Variants in PUDP observed in about 807,000 individuals in gnomAD.
PUDP encodes pseudouridine-5'-phosphatase.
A neutral mutation model predicts 9.4 loss-of-function variants in PUDP; 8 were observed. That is an observed-to-expected ratio of 0.85 (90% CI 0.50 to 1.53). The LOEUF is 1.53. PUDP is among the 40% of genes most tolerant of loss of function. The pLI is 0.00. For synonymous variants in PUDP, 99 were observed against 80.7 expected, an observed-to-expected ratio of 1.23 and a Z score of -1.22; for missense variants, 188 against 189.7, an observed-to-expected ratio of 0.99 and a Z score of 0.05.
At chrX:6,825,037 C>CTGT (rs923656884) in intron 3 of PUDP, among the ~76,000 whole-genome samples, 4 of 111,203 alleles carry the variant, frequency 3.6e-5, no homozygotes, top group Non-Finnish European at 7.5e-5. Context: ...CTATGGGATT[C>CTGT]TGTTGTTGTT....
At position 7,085,945 on chromosome X, in the gene PUDP, G is replaced by T. The variant is rs181878853; in HGVS notation, c.281-8496C>A. ...AAAACTCAAGGCTGCCAAAATAACT[G>T]ATTGTTGGTTCCAGCCACTCCTGCA... On this transcript the variant is annotated intron_variant, in intron 2 of 3. Coordinates refer to ENST00000381077, the MANE Select transcript of PUDP (RefSeq NM_012080.5). Among the ~76,000 whole-genome samples, 26 of 111,902 alleles carry T rather than the reference G, an allele frequency of 2.3e-4. 1 individual carries two copies. The East Asian group carries it at 7.1e-3, about 30-fold the overall frequency.
chrX:7,095,041 T>C (rs965817359), intron 2 of PUDP, among the ~76,000 whole-genome samples: 5 of 111,858 alleles, frequency 4.5e-5, no homozygotes, highest in Admixed American at 3.8e-4. Flanking sequence ...CACTGGGGAC[T>C]TCTCCACATG....
At chrX:6,904,334 T>C (rs1330023085) in intron 3 of PUDP, among the ~76,000 whole-genome samples, 1 of 110,746 alleles carries the variant, frequency 9.0e-6, no homozygotes, top group Non-Finnish European at 1.9e-5. Flanking sequence ...CATTTGGGTT[T>C]GTCACTGCTG....
At chrX:6,896,786 G>T (rs1238362914) in intron 3 of PUDP, among the ~76,000 whole-genome samples, 1 of 111,484 alleles carries the variant, frequency 9.0e-6, no homozygotes, top group Non-Finnish European at 1.9e-5. Context: ...TTCTGTCTCC[G>T]GGCTGTTCCG....
intron 1 of PUDP, among the ~76,000 whole-genome samples, chrX:7,014,292 G>A (rs1265803602): frequency 9.1e-6 from 1 of 109,966 alleles, no homozygotes; most frequent in African/African-American, 3.3e-5. Flanking sequence ...AGGGCCGCGG[G>A]TCTCCAGGCT....
intron 3 of PUDP, among the ~76,000 whole-genome samples, chrX:6,762,860 T>C (rs1925243095): frequency 1.8e-5 from 2 of 112,273 alleles, no homozygotes. Flanking sequence ...GTTCTTCTTA[T>C]ATTCCTTTCT....
At chrX:6,768,079 A>G (rs911100291) in intron 3 of PUDP, among the ~76,000 whole-genome samples, 4 of 111,798 alleles carry the variant, frequency 3.6e-5, no homozygotes, top group Non-Finnish European at 7.5e-5. Context: ...TGAAATTGCC[A>G]CTTTTGCAGG....
At chrX:6,855,517 C>T (rs1926891985) in intron 3 of PUDP, among the ~76,000 whole-genome samples, 1 of 111,593 alleles carries the variant, frequency 9.0e-6, no homozygotes, top group South Asian at 3.8e-4. Context: ...CATGCTATGT[C>T]CTACAAGCCC....
At chrX:7,142,109 TGAG>T (rs1932801458) in intron 1 of PUDP, among the ~76,000 whole-genome samples, 1 of 112,298 alleles carries the variant, frequency 8.9e-6, no homozygotes, top group African/African-American at 3.2e-5. Context: ...GCCCATGGAT[TGAG>T]GAGTAACTTC....
At chrX:6,753,697 T>G (rs747205359) in intron 3 of PUDP, among the ~76,000 whole-genome samples, 1 of 112,123 alleles carries the variant, frequency 8.9e-6, no homozygotes, top group South Asian at 3.7e-4. Context: ...CGCATTGTGG[T>G]TTTGATTTGC....
rs532626986 is a variant in PUDP, at chrX:6,900,358, G to A, written c.*247+76775C>T. On this transcript the variant is annotated intron_variant and NMD_transcript_variant, in intron 3 of 3. Transcript: ENST00000655425. ...GGGGGCGCTGCTACTGGCATCTGGT[G>A]GGTGGAGGCCACAGATGCTGTTGAA... 5.2e-4 allele frequency among the ~76,000 whole-genome samples: 56 copies of A among 107,287 alleles called. No homozygotes were observed. The South Asian group carries it at 0.024, about 46-fold the overall frequency. The allele number at this position is 107,287 out of a possible 115,157, so 93.2% of individuals were successfully genotyped here.
chrX:7,147,132 CT>C (rs768014734), intron 1 of PUDP, among the ~76,000 whole-genome samples: 3 of 111,116 alleles, frequency 2.7e-5, no homozygotes, highest in African/African-American at 9.8e-5. Context: ...CTAAGACTGA[CT>C]ACCTTAGTAC....
chrX:7,114,404 C>G (rs1167941416), intron 1 of PUDP, among the ~76,000 whole-genome samples: 1 of 111,449 alleles, frequency 9.0e-6, no homozygotes, highest in African/African-American at 3.3e-5. Flanking sequence ...ACAAAGCCAG[C>G]AGTCCCACTC....
At chrX:6,782,791 T>G (rs1030039059) in intron 3 of PUDP, among the ~76,000 whole-genome samples, 1 of 111,702 alleles carries the variant, frequency 9.0e-6, no homozygotes, top group Non-Finnish European at 1.9e-5. Flanking sequence ...TTCTCTGCTT[T>G]GTGTGCAATG....
At chrX:7,136,867 CTGAG>C (rs1408454115) in intron 1 of PUDP, among the ~76,000 whole-genome samples, 1 of 109,270 alleles carries the variant, frequency 9.2e-6, no homozygotes, top group African/African-American at 3.5e-5. Context: ...TTAAGCCCTC[CTGAG>C]TATCACTGTA....
At chrX:6,714,870 A>T (rs1014181998) in intron 1 of PUDP, among the ~76,000 whole-genome samples, 5 of 111,422 alleles carry the variant, frequency 4.5e-5, no homozygotes, top group African/African-American at 1.3e-4. Context: ...GTCACCACTC[A>T]GAACTTATGT....
intron 1 of PUDP, among the ~76,000 whole-genome samples, chrX:7,122,671 C>G (rs1932375995): frequency 8.9e-6 from 1 of 111,888 alleles, no homozygotes; most frequent in African/African-American, 3.2e-5. Context: ...CGCAATTGCT[C>G]TGAGTGTTAG....
chrX:6,915,793 G>T (rs1355307854), intron 3 of PUDP, among the ~76,000 whole-genome samples: 2 of 111,640 alleles, frequency 1.8e-5, no homozygotes, highest in Non-Finnish European at 3.8e-5. Context: ...CTGATACTTT[G>T]TCCACAATAG....
chrX:6,839,323 C>T (rs755658890), intron 3 of PUDP, among the ~76,000 whole-genome samples: 3 of 111,604 alleles, frequency 2.7e-5, no homozygotes, highest in African/African-American at 9.8e-5. Context: ...GATTAGGTCC[C>T]TCATGTCTGA....
Sources: allele counts gnomAD v4.1 joint callset (sites outside exome capture counted in the v4.1 genomes callset), GRCh38; gene constraint gnomAD v4.1.1; transcripts MANE v1.5; gene names NCBI Gene and HGNC (gene_info 2026-07-23, HGNC 2026-07-21).